C6orf120: variants seen among roughly 807,000 people sequenced by gnomAD.
C6orf120 encodes UPF0669 protein C6orf120.
For synonymous variants in C6orf120, 165 were observed against 123.1 expected (o/e 1.34, Z -2.25); for missense variants, 311 against 264.2 (o/e 1.18, Z -1.23).
exon 1 of C6orf120, chr6:169,704,144 T>G (rs1463312249): frequency 2.2e-6 from 3 of 1,336,282 alleles, no homozygotes; most frequent in Admixed American, 2.7e-5. Flanking sequence ...GACTGAATTT[T>G]AAGCCCATCT....
exon 1 of C6orf120, chr6:169,704,034 C>A: frequency 1.9e-6 from 3 of 1,600,212 alleles, no homozygotes; most frequent in Middle Eastern, 1.7e-4. Context: ...CCCCCTTCTG[C>A]CCACTTTCCT....
exon 1 of C6orf120, chr6:169,704,357 T>C (rs1222933025): frequency 2.5e-6 from 1 of 397,376 alleles, no homozygotes; most frequent in East Asian, 4.1e-5. Context: ...GTACAATCTT[T>C]CCTGAAATTC....
upstream of C6orf120, chr6:169,702,168 T>G: frequency 1.6e-6 from 1 of 640,166 alleles, no homozygotes. Flanking sequence ...TCCGGATGTA[T>G]AAAGCGCGGC....
upstream of C6orf120, chr6:169,702,167 A>G (rs1005948290): frequency 1.3e-5 from 8 of 633,910 alleles, no homozygotes; most frequent in African/African-American, 3.6e-5. Flanking sequence ...GTCCGGATGT[A>G]TAAAGCGCGG....
downstream of C6orf120, chr6:169,704,894 C>G (rs1788722211): frequency 2.6e-6 from 1 of 384,944 alleles, no homozygotes. Context: ...CCAGCTCATT[C>G]TATAGAACTA....
exon 1 of C6orf120, chr6:169,702,596 A>G (rs755376773): frequency 1.2e-6 from 2 of 1,613,292 alleles, no homozygotes; most frequent in South Asian, 2.2e-5. Flanking sequence ...CACGTCGTCC[A>G]GGGCCAGATA....
exon 1 of C6orf120, chr6:169,702,263 T>G (rs1788320557): frequency 1.4e-6 from 1 of 691,810 alleles, no homozygotes; most frequent in African/African-American, 1.8e-5. Flanking sequence ...GGCGCCGCGC[T>G]ACGGGGGAGG....
chr6:169,702,331 G>A (rs931718874), exon 1 of C6orf120: 2 of 648,030 alleles, frequency 3.1e-6, no homozygotes, highest in African/African-American at 1.8e-5. Flanking sequence ...CAGTCCCAGC[G>A]ACAGACCAGG....
chr6:169,703,348 G>GT (rs1788555288), exon 1 of C6orf120: 1 of 352,556 alleles, frequency 2.8e-6, no homozygotes, highest in African/African-American at 2.1e-5. Context: ...CTTTCATGCT[G>GT]TGACACAAAT....
chr6:169,706,232 T>G (rs1314492885), downstream of C6orf120, among the ~76,000 whole-genome samples: 1 of 152,112 alleles, frequency 6.6e-6, no homozygotes, highest in African/African-American at 2.4e-5. Context: ...TAAAAAAAAA[T>G]CAGTTTAAAC....
At chr6:169,703,760 T>C in exon 1 of C6orf120, 1 of 500,432 alleles carries the variant, frequency 2.0e-6, no homozygotes, top group Non-Finnish European at 3.5e-6. Context: ...GTTAAGTATC[T>C]TAAGTTACTA....
exon 1 of C6orf120, chr6:169,703,110 T>C: frequency 7.0e-7 from 1 of 1,419,160 alleles, no homozygotes; most frequent in East Asian, 2.5e-5. Context: ...ACCTTGCTAC[T>C]TGTACTTGGT....
At chr6:169,704,928 A>G (rs939913428), downstream of C6orf120, 2 of 422,180 alleles carry the variant, frequency 4.7e-6, no homozygotes, top group South Asian at 2.1e-4. Flanking sequence ...TAGCAGGGGC[A>G]TTCTGGCCTT....
Position 169,703,129 on chromosome 6 carries a change from T to C in C6orf120, c.*94T>C, listed in dbSNP as rs1159642123. ...TGCTACTTGTACTTGGTTGAAGTTC[T>C]AGGTACCTTTAGTCAAGGGATGGAA... is the stretch of plus-strand genomic sequence containing the variant. On this transcript the variant is annotated 3_prime_UTR_variant, in exon 1 of 1. Coordinates refer to ENST00000332290, the Ensembl canonical transcript of C6orf120. 4 of 1,287,816 alleles carry C rather than the reference T, an allele frequency of 3.1e-6. No homozygotes were observed. The African/African-American group carries it at 4.5e-5, about 14-fold the overall frequency. 79.8% of individuals were successfully genotyped at this position (1,287,816 alleles called of 1,614,324 possible).
chr6:169,702,751 A>G, exon 1 of C6orf120: 1 of 1,613,384 alleles, frequency 6.2e-7, no homozygotes, highest in Non-Finnish European at 8.5e-7. Flanking sequence ...GCAATCGGCC[A>G]CCTGCGGCCC....
chr6:169,705,452 T>C, downstream of C6orf120: 1 of 732,852 alleles, frequency 1.4e-6, no homozygotes, highest in Non-Finnish European at 2.3e-6. Flanking sequence ...GAAATGAATA[T>C]ACAATGTAGA....
At chr6:169,704,258 C>T in exon 1 of C6orf120, 1 of 544,230 alleles carries the variant, frequency 1.8e-6, no homozygotes, top group Non-Finnish European at 3.2e-6. Context: ...TAAACTTAAT[C>T]AATGTAATCA....
chr6:169,703,068 C>T (rs1281934326), exon 1 of C6orf120: 1 of 1,529,348 alleles, frequency 6.5e-7, no homozygotes, highest in South Asian at 1.2e-5. Context: ...ATAAAACCCT[C>T]CATCTGTGAA....
At chr6:169,703,397 C>A (rs980953596) in exon 1 of C6orf120, 4 of 257,416 alleles carry the variant, frequency 1.6e-5, no homozygotes, top group Non-Finnish European at 3.2e-5. Flanking sequence ...TCTGGAGATT[C>A]TAACCGAAGT....
Sources: allele counts gnomAD v4.1 joint callset (sites outside exome capture counted in the v4.1 genomes callset), GRCh38; gene constraint gnomAD v4.1.1; transcripts MANE v1.5; gene names NCBI Gene and HGNC (gene_info 2026-07-23, HGNC 2026-07-21).